The following CLEC16A variants were observed in gnomAD, a reference collection of about 807,000 sequenced individuals.
CLEC16A encodes C-type lectin domain containing 16A, also known as protein CLEC16A.
In CLEC16A, 51 loss-of-function variants were observed where a neutral mutation model predicts 109.5. The observed-to-expected ratio is 0.47, with a 90% CI of 0.37 to 0.59. CLEC16A has a LOEUF of 0.59. Ranked by LOEUF, CLEC16A falls within the 20% of genes least tolerant of loss-of-function variation. The pLI is 0.00. For synonymous variants in CLEC16A, 673 were observed against 564.2 expected (o/e 1.19, Z -2.73); for missense variants, 1,339 against 1,394.0 (o/e 0.96, Z 0.63).
intron 22 of CLEC16A, among the ~76,000 whole-genome samples, chr16:11,163,167 A>C (rs2054786665): frequency 6.6e-6 from 1 of 152,268 alleles, no homozygotes; most frequent in South Asian, 2.1e-4. Context: ...AGCAGGAACC[A>C]GAGGACAGGG....
At chr16:11,114,736 G>C (rs2051853378) in intron 19 of CLEC16A, among the ~76,000 whole-genome samples, 1 of 152,098 alleles carries the variant, frequency 6.6e-6, no homozygotes, top group South Asian at 2.1e-4. Context: ...ACTGGGGCAG[G>C]GTACAGGAGT....
chr16:11,054,890 A>G (rs1307027497), intron 18 of CLEC16A, among the ~76,000 whole-genome samples: 1 of 151,866 alleles, frequency 6.6e-6, no homozygotes, highest in African/African-American at 2.4e-5. Context: ...TTGTATCCAA[A>G]GAACATTCCA....
intron 20 of CLEC16A, among the ~76,000 whole-genome samples, chr16:11,122,443 A>G (rs368475925): frequency 6.6e-6 from 1 of 152,144 alleles, no homozygotes; most frequent in South Asian, 2.1e-4. Context: ...AAGAATTAAT[A>G]TGTGTCTTCC....
intron 16 of CLEC16A, among the ~76,000 whole-genome samples, chr16:11,044,601 C>T (rs1388501097): frequency 2.0e-5 from 3 of 152,198 alleles, no homozygotes; most frequent in East Asian, 3.9e-4. Context: ...GAAAAATTTG[C>T]AGAGCTTTGT....
chr16:10,945,792 A>G (rs1420776549), intron 1 of CLEC16A, among the ~76,000 whole-genome samples: 1 of 152,114 alleles, frequency 6.6e-6, no homozygotes, highest in African/African-American at 2.4e-5. Flanking sequence ...CCCAGTTCCT[A>G]TCCATCACAT....
At chr16:11,025,067 C>G (rs1197300547) in intron 13 of CLEC16A, 146 bp downstream of exon 13, 5 of 619,576 alleles carry the variant, frequency 8.1e-6, no homozygotes, top group Non-Finnish European at 1.4e-5. Context: ...GTTTTGACTC[C>G]CGCTCCTCTT....
At position 11,123,847 on chromosome 16, in the gene CLEC16A, A is replaced by G. The variant is rs1352549786; in HGVS notation, c.2374A>G (p.Thr792Ala). The G allele has an allele frequency of 2.5e-6, 4 of 1,613,864 alleles. No individual in the cohort carries two copies. The highest frequency in any genetic ancestry group is 2.5e-6 in the Non-Finnish European group (3 of 1,179,898). The part of the protein sequence containing the change: ...HSKPFPILQA[T>A]FIFSDHIRCI... ...CAAGCCCTTCCCCATCCTCCAGGCC[A>G]CCTTCATCTTCTCAGACCACATCCG... Residue 792 changes from threonine (T) to alanine (A), a missense_variant, in exon 21 of 24, where the codon ACC becomes GCC. By Grantham distance (58) the Thr-to-Ala change is moderately conservative. Around this residue, in one of 3 missense-constraint regions of CLEC16A, gnomAD observed 1,061 missense variants for 1,006.8 expected, o/e 1.05. Coordinates refer to ENST00000409790, the MANE Select transcript of CLEC16A (RefSeq NM_015226.3).
intron 10 of CLEC16A, among the ~76,000 whole-genome samples, chr16:10,998,275 CTG>C (rs1165272442): frequency 2.6e-5 from 4 of 152,210 alleles, no homozygotes; most frequent in Non-Finnish European, 4.4e-5. Flanking sequence ...TAGTTGCTGA[CTG>C]TTAGCTGGCC....
rs1400929739 is a variant in CLEC16A, at chr16:11,051,586, C to T, written c.1940C>T (p.Thr647Met). 6.2e-7 allele frequency: 1 copy of T among 1,614,060 alleles called. No homozygotes were observed. ...CTGCCCCCAACAGGCACGCCACTGA[C>T]GGGCATTGACTTCGTGAAGCGGCTG... Reference protein sequence around the residue: ...ILLPPTGTPLTGIDFVKRLPC... With the variant: ...ILLPPTGTPLMGIDFVKRLPC... The change falls in exon 18 of 24, where the codon ACG becomes ATG. Residue 647 changes from threonine to methionine, a missense_variant. Thr to Met is a moderately conservative substitution (Grantham distance 81). Coordinates refer to ENST00000409790, the MANE Select transcript of CLEC16A (RefSeq NM_015226.3).
chr16:11,097,980 A>C (rs925309306), intron 19 of CLEC16A, among the ~76,000 whole-genome samples: 1 of 152,220 alleles, frequency 6.6e-6, no homozygotes, highest in African/African-American at 2.4e-5. Context: ...CCACAAGGCC[A>C]AGTGGTATGT....
intron 10 of CLEC16A, among the ~76,000 whole-genome samples, chr16:10,988,418 G>A (rs9931311): frequency 0.014 from 2,109 of 152,220 alleles, 35 homozygotes; most frequent in African/African-American, 0.047. Context: ...TGAGGACAGG[G>A]ACCATGTCTC....
At chr16:11,152,257 A>G (rs1456487647) in intron 22 of CLEC16A, among the ~76,000 whole-genome samples, 2 of 152,218 alleles carry the variant, frequency 1.3e-5, no homozygotes, top group Admixed American at 6.5e-5. Context: ...GAACAGCTAA[A>G]AGCCCAGGAA....
intron 22 of CLEC16A, among the ~76,000 whole-genome samples, chr16:11,134,281 G>A (rs571534086): frequency 2.0e-5 from 3 of 149,166 alleles, no homozygotes; most frequent in African/African-American, 7.4e-5. Flanking sequence ...CCAACTCTAA[G>A]CATATTTTAG....
intron 19 of CLEC16A, among the ~76,000 whole-genome samples, chr16:11,084,830 T>G (rs2049922988): frequency 6.6e-6 from 1 of 152,066 alleles, no homozygotes; most frequent in African/African-American, 2.4e-5. Context: ...TCGAAGACAC[T>G]GTGGAGAAAG....
chr16:11,111,466 C>G (rs1041814582), intron 19 of CLEC16A, among the ~76,000 whole-genome samples: 2 of 152,134 alleles, frequency 1.3e-5, no homozygotes, highest in African/African-American at 4.8e-5. Context: ...TCCATTGGTA[C>G]TCTTTTGGTC....
At chr16:11,158,658 C>T (rs2054616088) in intron 22 of CLEC16A, among the ~76,000 whole-genome samples, 1 of 151,398 alleles carries the variant, frequency 6.6e-6, no homozygotes, top group South Asian at 2.1e-4. Flanking sequence ...AGCAGTGGCT[C>T]ATACCTGTAA....
At chr16:11,114,395 T>G (rs1170649822) in intron 19 of CLEC16A, among the ~76,000 whole-genome samples, 1 of 152,138 alleles carries the variant, frequency 6.6e-6, no homozygotes, top group Non-Finnish European at 1.5e-5. Flanking sequence ...GGTGGATGGA[T>G]GACCAGGCAG....
intron 12 of CLEC16A, among the ~76,000 whole-genome samples, chr16:11,023,017 A>C (rs915171530): frequency 6.6e-6 from 1 of 150,520 alleles, no homozygotes; most frequent in Non-Finnish European, 1.5e-5. Flanking sequence ...GCAAAATCTT[A>C]AAAAGCATAA....
rs2068835388 is a variant in CLEC16A, at chr16:11,178,222, G to A, written c.2807-113G>A. On this transcript the variant is annotated intron_variant, in intron 23 of 23. Transcript: ENST00000409790. This position sits in a 1 kb window ranked among gnomAD's most constrained non-coding sequence, Gnocchi z 6.5. ...CCACGCTGAGCCCTCACGCCAGCCA[G>A]CCACCTCCCACCTAGCTCACCAGGG... The A allele has an allele frequency of 2.2e-6, 2 of 923,572 alleles. No individual in the cohort carries two copies. Among genetic ancestry groups the A allele is most frequent in the Non-Finnish European group, 3.3e-6 (2 of 599,008 alleles). The allele number at this position is 923,572 out of a possible 1,614,324, so 57.2% of individuals were successfully genotyped here. A position where few individuals can be genotyped will look rare whatever the true frequency, so the allele number is the denominator to read the frequency against.
Sources: gnomAD v4.1 joint callset for allele counts (sites outside exome capture counted in the v4.1 genomes callset) on GRCh38, gnomAD v4.1.1 for gene constraint, gnomAD v4.1.1 regional missense constraint, Gnocchi (gnomAD v3.1) non-coding constraint, MANE v1.5 for transcripts, NCBI Gene and HGNC (gene_info 2026-07-23, HGNC 2026-07-21) for gene names.